Variants in DLC1 observed in about 807,000 individuals in gnomAD.
DLC1 encodes the protein rho GTPase-activating protein 7.
Under a neutral mutation model 140.3 loss-of-function variants are expected in DLC1, and 54 were observed. The observed-to-expected ratio is 0.38, with a 90% CI of 0.31 to 0.48. The LOEUF (loss-of-function observed/expected upper bound fraction) is 0.48. DLC1 is among the 20% of genes least tolerant of loss of function. The probability of loss-of-function intolerance (pLI) is 0.96; values close to 1 mark genes in which losing one functional copy is unlikely to be tolerated. For missense variants in DLC1, 2,536 were observed against 1,907.0 expected (o/e 1.33, Z -6.14); for synonymous variants, 986 against 728.1 (o/e 1.35, Z -5.70).
At chr8:13,414,320 C>T (rs1837947764) in intron 2 of DLC1, among the ~76,000 whole-genome samples, 1 of 152,096 alleles carries the variant, frequency 6.6e-6, no homozygotes, top group Non-Finnish European at 1.5e-5. Context: ...CTAAGATAAT[C>T]TCCATCTTTA....
chr8:13,219,981 G>C (rs1828463057), intron 5 of DLC1, among the ~76,000 whole-genome samples: 1 of 152,124 alleles, frequency 6.6e-6, no homozygotes, highest in Non-Finnish European at 1.5e-5. Flanking sequence ...TAAATCCGTA[G>C]ACACAGAAAG....
In DLC1 at chr8:13,278,481, T is replaced by G. The variant is rs2117414412; in HGVS notation, c.1348+26788A>C. Among the ~76,000 whole-genome samples the G allele has an allele frequency of 3.3e-5, 5 of 152,322 alleles. No individual in the cohort carries two copies. In the South Asian group the frequency reaches 1.0e-3, roughly 32 times the overall value. On this transcript the variant is annotated intron_variant, in intron 5 of 17. Transcript: ENST00000276297. ...TTTAGGATGAATAAGACCTCAACTC[T>G]GTCTTCGAGGAGGAAATATCACATC...
intron 2 of DLC1, among the ~76,000 whole-genome samples, chr8:13,462,884 G>C (rs1220609498): frequency 1.3e-5 from 2 of 152,150 alleles, no homozygotes; most frequent in East Asian, 3.9e-4. Flanking sequence ...AACGCATAGT[G>C]TATCAGTTGC....
chr8:13,542,957 C>T (rs180849369), intron 1 of DLC1, among the ~76,000 whole-genome samples: 13 of 152,048 alleles, frequency 8.5e-5, no homozygotes, highest in African/African-American at 3.1e-4. Context: ...TTTTCTGCAC[C>T]TACTGAAATT....
At chr8:13,280,287 C>CA (rs55791933) in intron 5 of DLC1, among the ~76,000 whole-genome samples, 1,560 of 64,920 alleles carry the variant, frequency 0.024, 22 homozygotes, top group Non-Finnish European at 0.025. Flanking sequence ...GACTCCATCT[C>CA]AAAAAAAAAA....
At chr8:13,523,786 T>A (rs1432815373) in intron 1 of DLC1, among the ~76,000 whole-genome samples, 1 of 152,082 alleles carries the variant, frequency 6.6e-6, no homozygotes, top group Non-Finnish European at 1.5e-5. Context: ...GCATGGTAAC[T>A]ATCTGGGACC....
At chr8:13,210,901 T>C (rs1341537539) in intron 5 of DLC1, among the ~76,000 whole-genome samples, 1 of 152,208 alleles carries the variant, frequency 6.6e-6, no homozygotes, top group East Asian at 1.9e-4. Context: ...TTTTAAATCA[T>C]TTCATCTGTA....
At chr8:13,384,441 T>A (rs1836421216) in intron 4 of DLC1, among the ~76,000 whole-genome samples, 1 of 152,228 alleles carries the variant, frequency 6.6e-6, no homozygotes, top group South Asian at 2.1e-4. Flanking sequence ...GGGAGAATGA[T>A]CTCACAACTT....
chr8:13,363,864 G>C (rs1835359350), intron 4 of DLC1, among the ~76,000 whole-genome samples: 1 of 152,178 alleles, frequency 6.6e-6, no homozygotes, highest in Non-Finnish European at 1.5e-5. Flanking sequence ...AACAAAAGCT[G>C]TATGCTTGTG....
intron 5 of DLC1, among the ~76,000 whole-genome samples, chr8:13,268,669 C>T (rs1830789299): frequency 6.6e-6 from 1 of 152,012 alleles, no homozygotes; most frequent in Admixed American, 6.6e-5. Flanking sequence ...AGGTATAAGC[C>T]ACCTGGCCCA....
intron 5 of DLC1, among the ~76,000 whole-genome samples, chr8:13,297,384 G>C (rs906125095): frequency 2.0e-5 from 3 of 149,326 alleles, no homozygotes; most frequent in African/African-American, 7.4e-5. Flanking sequence ...TGGAATGTTG[G>C]TCAAGGCCCA....
At position 13,115,614 on chromosome 8, in the gene DLC1, A is replaced by T. The variant is rs1585669187; in HGVS notation, c.1392T>A (p.Gly464=). 6.2e-7 allele frequency: 1 copy of T among 1,614,070 alleles called. No individual in the cohort carries two copies. Among genetic ancestry groups the T allele is most frequent in the Admixed American group, 1.7e-5 (1 of 60,010 alleles). The change falls in exon 6 of 18, where the codon GGT becomes GGA. Residue 464 remains glycine, a synonymous_variant. Transcript: ENST00000276297. The part of the protein sequence containing the change: ...KEACDWLRAT[G]FPQYAQLYED... ...CATAAAGCTGTGCATACTGGGGGAAACCAGTTGCCCGTAGCCAATCACAAG... is the reference window on the plus strand; with the variant it reads ...CATAAAGCTGTGCATACTGGGGGAATCCAGTTGCCCGTAGCCAATCACAAG...
chr8:13,346,165 G>C (rs1042662964), intron 4 of DLC1, among the ~76,000 whole-genome samples: 2 of 152,186 alleles, frequency 1.3e-5, no homozygotes, highest in East Asian at 1.9e-4. Context: ...TTTGGGATTA[G>C]ATAGCCTTAA....
Position 13,092,593 on chromosome 8 carries a change from C to T in DLC1, c.3740+19G>A, listed in dbSNP as rs1818166495. The T allele has an allele frequency of 2.5e-6, 4 of 1,611,362 alleles. No homozygotes were observed. The highest frequency in any genetic ancestry group is 3.4e-6 in the Non-Finnish European group (4 of 1,178,538). Reference sequence around the variant, plus strand: ...GTAGGCTGCCCCCTGTGTGCATGCACCTCCCATGCAGCCCGTACCTGGGAG... The same window carrying T: ...GTAGGCTGCCCCCTGTGTGCATGCATCTCCCATGCAGCCCGTACCTGGGAG... On this transcript the variant is annotated intron_variant, in intron 13 of 17. Transcript: ENST00000276297.
intron 5 of DLC1, among the ~76,000 whole-genome samples, chr8:13,218,123 A>T (rs1251450479): frequency 6.6e-6 from 1 of 152,212 alleles, no homozygotes; most frequent in Non-Finnish European, 1.5e-5. Context: ...AAAGTTTCAA[A>T]ATCAATGGGT....
chr8:13,515,822 G>A (rs1191772661), upstream of DLC1, among the ~76,000 whole-genome samples: 1 of 152,170 alleles, frequency 6.6e-6, no homozygotes, highest in Non-Finnish European at 1.5e-5. Flanking sequence ...TTTAATTAGT[G>A]CATCAATTAA....
intron 1 of DLC1, among the ~76,000 whole-genome samples, chr8:13,533,409 A>C (rs1803166526): frequency 6.6e-6 from 1 of 152,224 alleles, no homozygotes; most frequent in African/African-American, 2.4e-5. Flanking sequence ...GGTTTCAGGC[A>C]AAATAACTTA....
Position 13,153,122 on chromosome 8 carries a change from GGACCCGCGCAGT to G in DLC1, c.1349-37477_1349-37466del, listed in dbSNP as rs550494091. ...TCACTGACTTCAAGAACGAAGCCGC[GGACCCGCGCAGT>G]GAGTGTTACAGATCTTAAAGATGGT... is the stretch of plus-strand genomic sequence containing the variant. On this transcript the variant is annotated intron_variant, in intron 5 of 17. Transcript: ENST00000276297. 5.8e-4 allele frequency among the ~76,000 whole-genome samples: 89 copies of G among 152,282 alleles called. 1 individual carries two copies. In the East Asian group the frequency reaches 0.016, roughly 27 times the overall value.
At chr8:13,160,627 A>C (rs1824618071) in intron 5 of DLC1, among the ~76,000 whole-genome samples, 2 of 152,222 alleles carry the variant, frequency 1.3e-5, no homozygotes. Context: ...TTAAACCACC[A>C]GAATGATTTG....
Sources: gnomAD v4.1 joint callset for allele counts (sites outside exome capture counted in the v4.1 genomes callset) on GRCh38, gnomAD v4.1.1 for gene constraint, MANE v1.5 for transcripts, NCBI Gene and HGNC (gene_info 2026-07-23, HGNC 2026-07-21) for gene names.